KRT77: variants seen among roughly 807,000 people sequenced by gnomAD.
KRT77 encodes the protein keratin 77, also known as keratin, type II cytoskeletal 1b.
KRT77 carries 44 observed loss-of-function variants against 51.5 expected under a neutral mutation model. The ratio of observed to expected loss-of-function variants is 0.85; its 90% CI spans 0.67 to 1.10. The LOEUF is 1.10. KRT77 is among the 50% of genes least tolerant of loss of function. The pLI is 0.00. For synonymous variants in KRT77, 293 were observed against 302.0 expected, an observed-to-expected ratio of 0.97 and a Z score of 0.31; for missense variants, 763 against 743.9, an observed-to-expected ratio of 1.03 and a Z score of -0.30.
rs1941914977 is a variant in KRT77 at position 52,703,361 on chromosome 12, G to A, written c.74C>T (p.Ala25Val). ...TGCCGGACTCCCACCACCAGAGCCT[G>A]CAGAAGAGCTGGTACTATAAACCCG... ...SRRVYSTSSS[A>V]GSGGGSPAVG... is the part of the protein sequence containing the mutation. The change falls in exon 1 of 9, where the codon GCA becomes GTA. Residue 25 changes from alanine (A) to valine (V), a missense_variant. Physicochemically the swap from Ala to Val is moderately conservative, Grantham distance 64 (BLOSUM62 0). Transcript: ENST00000341809. 6.2e-7 allele frequency: 1 copy of A among 1,613,828 alleles called. No homozygotes were observed. The highest frequency in any genetic ancestry group is 8.5e-7 in the Non-Finnish European group (1 of 1,179,924).
chr12:52,695,565 A>G (rs559040982), intron 4 of KRT77, among the ~76,000 whole-genome samples: 1 of 152,302 alleles, frequency 6.6e-6, no homozygotes, highest in African/African-American at 2.4e-5. Context: ...GGATTCTCCC[A>G]GCCTTCCATC....
intron 5 of KRT77, 46 bp downstream of exon 5, chr12:52,694,580 G>A (rs1941763385): frequency 6.6e-7 from 1 of 1,526,342 alleles, no homozygotes; most frequent in Non-Finnish European, 8.9e-7. Flanking sequence ...GACAATTCTG[G>A]GAAGAATCTG....
Position 52,697,817 on chromosome 12 carries a change from G to A in KRT77, c.623C>T (p.Thr208Ile). 1 of 1,614,088 alleles carries A rather than the reference G, an allele frequency of 6.2e-7. No individual in the cohort carries two copies. Among genetic ancestry groups the A allele is most frequent in the Non-Finnish European group, 8.5e-7 (1 of 1,180,000 alleles). ...LLQQVNTSTG[T>I]NNLEPLLENY... ...CTCCAAGAGGGGCTCCAGGTTGTTG[G>A]TTCCAGTTGAGGTGTTCACCTGCTG... Residue 208 changes from threonine (T) to isoleucine (I), a missense_variant, in exon 2 of 9, where the codon ACC becomes ATC. By Grantham distance (89) the Thr-to-Ile change is moderately conservative. Coordinates refer to ENST00000341809, the MANE Select transcript of KRT77 (RefSeq NM_175078.3).
At chr12:52,697,059 A>G (rs971922487) in intron 2 of KRT77, among the ~76,000 whole-genome samples, 3 of 152,242 alleles carry the variant, frequency 2.0e-5, no homozygotes, top group Admixed American at 2.0e-4. Context: ...TATAGTCATA[A>G]TAACAAGGGT....
At chr12:52,698,681 G>A (rs1260405053) in intron 1 of KRT77, among the ~76,000 whole-genome samples, 1 of 152,224 alleles carries the variant, frequency 6.6e-6, no homozygotes, top group African/African-American at 2.4e-5. Flanking sequence ...TGCAAAGTGT[G>A]CGGCTTGTCC....
chr12:52,702,064 C>T (rs558149156), intron 1 of KRT77, among the ~76,000 whole-genome samples: 1 of 152,290 alleles, frequency 6.6e-6, no homozygotes, highest in East Asian at 1.9e-4. Context: ...CCATTTAACT[C>T]GTGCTCACTT....
At chr12:52,697,370 C>A (rs567480566) in intron 2 of KRT77, among the ~76,000 whole-genome samples, 46 of 152,358 alleles carry the variant, frequency 3.0e-4, no homozygotes, top group African/African-American at 1.1e-3. Context: ...AATGTGAACA[C>A]TAGAAACTTA....
chr12:52,696,488 G>A (rs1422760693), intron 2 of KRT77, 58 bp from the exon 3 acceptor site: 1 of 1,415,492 alleles, frequency 7.1e-7, no homozygotes, highest in African/African-American at 1.4e-5. Context: ...GCTCCCTGAG[G>A]TCCCTCCTTA....
rs139314716 is a variant in KRT77 at position 52,691,132 on chromosome 12, G to A, written c.*33C>T. 18 of 1,613,734 alleles carry A rather than the reference G, an allele frequency of 1.1e-5. 1 individual carries two copies. The East Asian group carries it at 3.8e-4, about 34-fold the overall frequency. ...AGGAGTTTGAGGAGAGGGCGGTGAG[G>A]GGCAGGCGTGATGTGTGGCAGAAAC... is the stretch of plus-strand genomic sequence containing the variant. On this transcript the variant is annotated 3_prime_UTR_variant, in exon 9 of 9. Transcript: ENST00000341809.
intron 1 of KRT77, chr12:52,698,120 C>T: frequency 4.3e-5 from 63 of 1,453,506 alleles, no homozygotes; most frequent in Non-Finnish European, 5.7e-5. Flanking sequence ...TGACACTAAG[C>T]TCACTCTGGT....
chr12:52,698,054 C>G, intron 1 of KRT77, 158 bp from the exon 2 acceptor site: 1 of 1,440,704 alleles, frequency 6.9e-7, no homozygotes, highest in Non-Finnish European at 9.3e-7. Context: ...TTGAGACACA[C>G]AGAGGGCAAT....
chr12:52,691,563 T>C, intron 8 of KRT77, 124 bp from the exon 9 acceptor site: 1 of 1,130,146 alleles, frequency 8.8e-7, no homozygotes, highest in Non-Finnish European at 1.2e-6. Flanking sequence ...GCAAACCCCA[T>C]ACATTGAAAA....
chr12:52,690,967 A>G lies in KRT77; in HGVS notation c.*198T>C. ...TGTGCCTAGCTGTGAATCTGACTGC[A>G]AGCCAGTGCCCTCCAAAGAGAGATC... On this transcript the variant is annotated 3_prime_UTR_variant, in exon 9 of 9. Transcript: ENST00000341809. The G allele has an allele frequency of 1.4e-6, 1 of 703,236 alleles. No homozygotes were observed. 43.6% of individuals were successfully genotyped at this position (703,236 alleles called of 1,614,324 possible).
At chr12:52,695,917 C>T in intron 3 of KRT77, 50 bp from the exon 4 acceptor site, 1 of 1,195,678 alleles carries the variant, frequency 8.4e-7, no homozygotes, top group Non-Finnish European at 1.3e-6. Flanking sequence ...GCATTGCCTG[C>T]CACCAGCTCA....
chr12:52,691,482 C>A, intron 8 of KRT77, 43 bp from the exon 9 acceptor site: 1 of 1,512,592 alleles, frequency 6.6e-7, no homozygotes, highest in Non-Finnish European at 8.8e-7. Context: ...AGGGACCGGG[C>A]AAGGCCCCCA....
rs368529830 is a variant in KRT77, at chr12:52,695,882, G to A, written c.820-15C>T. The A allele has an allele frequency of 1.9e-6, 3 of 1,553,724 alleles. No homozygotes were observed. The highest frequency in any genetic ancestry group is 4.5e-5 in the East Asian group (2 of 44,572). Reference sequence around the variant, plus strand: ...GCATCCACATCCTGAATAGCAGGCAGAAACAGTTTGACTTTATTGCCCAGG... The same window carrying A: ...GCATCCACATCCTGAATAGCAGGCAAAAACAGTTTGACTTTATTGCCCAGG... On this transcript the variant is annotated splice_polypyrimidine_tract_variant and intron_variant, in intron 3 of 8. Transcript: ENST00000341809.
At position 52,691,286 on chromosome 12, in the gene KRT77, C is replaced by T; in HGVS notation, c.1616G>A (p.Gly539Asp). ...CCCGCCACCGCCGCCGCAGCCGCTG[C>T]CATAACCGCCTCCACTCCTGCCTCG... ...GARGRSGGGY[G>D]SGCGGGGGSY... The change falls in exon 9 of 9, where the codon GGC becomes GAC. Residue 539 changes from glycine (G) to aspartate (D), a missense_variant. Gly to Asp is a moderately conservative substitution (Grantham distance 94, BLOSUM62 -1). Coordinates refer to ENST00000341809, the MANE Select transcript of KRT77 (RefSeq NM_175078.3). 1 of 1,600,112 alleles carries T rather than the reference C, an allele frequency of 6.2e-7. No homozygotes were observed. The highest frequency in any genetic ancestry group is 8.5e-7 in the Non-Finnish European group (1 of 1,171,288).
chr12:52,702,839 T>C, intron 1 of KRT77, 53 bp downstream of exon 1: 1 of 1,575,260 alleles, frequency 6.3e-7, no homozygotes, highest in Non-Finnish European at 8.7e-7. Flanking sequence ...GTGTAATCTC[T>C]CTCAGTCATT....
Position 52,702,865 on chromosome 12 carries a change from G to C in KRT77, c.543+27C>G, listed in dbSNP as rs199733480. On this transcript the variant is annotated intron_variant, in intron 1 of 8. Transcript: ENST00000341809. Reference sequence around the variant, plus strand: ...CTCAGTCATTTGGTCAGTGACCAATGACCCTCCCTGCCCCTGAGGTGCTCA... The same window carrying C: ...CTCAGTCATTTGGTCAGTGACCAATCACCCTCCCTGCCCCTGAGGTGCTCA... The C allele has an allele frequency of 2.2e-5, 35 of 1,611,558 alleles. No homozygotes were observed. The East Asian group carries it at 7.8e-4, about 36-fold the overall frequency.
Sources: allele counts gnomAD v4.1 joint callset (sites outside exome capture counted in the v4.1 genomes callset), GRCh38; gene constraint gnomAD v4.1.1; transcripts MANE v1.5; gene names NCBI Gene and HGNC (gene_info 2026-07-23, HGNC 2026-07-21).